TRPC4: variants seen among roughly 807,000 people sequenced by gnomAD.
The protein encoded by TRPC4 is short transient receptor potential channel 4.
A neutral mutation model predicts 99.4 loss-of-function variants in TRPC4; 49 were observed. The observed-to-expected ratio is 0.49, with a 90% CI of 0.39 to 0.63. TRPC4 has a LOEUF of 0.63. Ranked by LOEUF, TRPC4 falls within the 20% of genes least tolerant of loss-of-function variation. The probability of loss-of-function intolerance (pLI) is 0.00; values close to 1 mark genes in which losing one functional copy is unlikely to be tolerated. For synonymous variants in TRPC4, 454 were observed against 425.9 expected (o/e 1.07, Z -0.81); for missense variants, 898 against 1,152.9 (o/e 0.78, Z 3.20).
chr13:37,816,613 G>A (rs1032232566), intron 1 of TRPC4, among the ~76,000 whole-genome samples: 9 of 151,898 alleles, frequency 5.9e-5, no homozygotes, highest in African/African-American at 1.7e-4. Context: ...GAACATTGAT[G>A]CAAAAATCCT....
intron 4 of TRPC4, among the ~76,000 whole-genome samples, chr13:37,691,787 TA>T (rs992425462): frequency 1.6e-4 from 24 of 152,306 alleles, no homozygotes; most frequent in African/African-American, 5.8e-4. Context: ...TTCTAAAATT[TA>T]AGGTTACGTT....
chr13:37,834,504 C>T (rs1958508161), intron 1 of TRPC4, among the ~76,000 whole-genome samples: 1 of 152,114 alleles, frequency 6.6e-6, no homozygotes, highest in East Asian at 1.9e-4. Flanking sequence ...AACTCTAAAC[C>T]ACAAACACTT....
chr13:37,777,902 C>A (rs919716697), intron 2 of TRPC4, among the ~76,000 whole-genome samples: 6 of 152,086 alleles, frequency 3.9e-5, no homozygotes, highest in Non-Finnish European at 5.9e-5. Context: ...TGGAAGCCAG[C>A]ATTGCTGTCA....
chr13:37,840,908 T>C (rs1328592943), intron 1 of TRPC4, among the ~76,000 whole-genome samples: 2 of 152,054 alleles, frequency 1.3e-5, no homozygotes, highest in Non-Finnish European at 2.9e-5. Flanking sequence ...AATTTCCTTC[T>C]CTACAAATTC....
chr13:37,824,072 TTGTC>T (rs1958119703), intron 1 of TRPC4, among the ~76,000 whole-genome samples: 1 of 147,834 alleles, frequency 6.8e-6, no homozygotes, highest in Admixed American at 6.9e-5. Context: ...GGCTCTCTGT[TTGTC>T]TGTTGTTGGT....
At chr13:37,706,773 T>C (rs1954296727) in intron 3 of TRPC4, among the ~76,000 whole-genome samples, 1 of 152,130 alleles carries the variant, frequency 6.6e-6, no homozygotes, top group Non-Finnish European at 1.5e-5. Flanking sequence ...ATCAAGTTTT[T>C]CTTGGAAAGT....
At chr13:37,809,677 G>T (rs1419301960) in intron 1 of TRPC4, among the ~76,000 whole-genome samples, 1 of 151,952 alleles carries the variant, frequency 6.6e-6, no homozygotes. Flanking sequence ...GTAACAAAAG[G>T]TAAGTACAAC....
At chr13:37,865,721 C>T (rs1164275974) in intron 1 of TRPC4, among the ~76,000 whole-genome samples, 3 of 151,630 alleles carry the variant, frequency 2.0e-5, no homozygotes, top group African/African-American at 7.2e-5. Flanking sequence ...TTAGAAACCA[C>T]AGGAATTAAG....
At chr13:37,680,290 C>A (rs1267057162) in intron 4 of TRPC4, among the ~76,000 whole-genome samples, 1 of 152,154 alleles carries the variant, frequency 6.6e-6, no homozygotes, top group African/African-American at 2.4e-5. Flanking sequence ...ATTGATTTAG[C>A]AAATGCATTT....
At chr13:37,846,346 GAC>G (rs1345688423) in intron 1 of TRPC4, among the ~76,000 whole-genome samples, 2 of 152,012 alleles carry the variant, frequency 1.3e-5, no homozygotes, top group African/African-American at 2.4e-5. Context: ...AGAATTAAAA[GAC>G]AAAATTATTA....
At chr13:37,827,516 T>C (rs1958268496) in intron 1 of TRPC4, among the ~76,000 whole-genome samples, 1 of 152,106 alleles carries the variant, frequency 6.6e-6, no homozygotes, top group Non-Finnish European at 1.5e-5. Flanking sequence ...TGCAGGTCTG[T>C]TGGAGTACCC....
At chr13:37,643,758 A>G (rs1951791976) in intron 8 of TRPC4, among the ~76,000 whole-genome samples, 1 of 152,126 alleles carries the variant, frequency 6.6e-6, no homozygotes, top group African/African-American at 2.4e-5. Flanking sequence ...GGGGATTTTG[A>G]CTAGTTGAGT....
intron 4 of TRPC4, among the ~76,000 whole-genome samples, chr13:37,686,248 A>G (rs566344271): frequency 5.7e-4 from 87 of 152,200 alleles, no homozygotes; most frequent in African/African-American, 2.0e-3. Flanking sequence ...AATGGTCACA[A>G]GACAGGAAGA....
chr13:37,788,241 T>C (rs1957022119), intron 1 of TRPC4, among the ~76,000 whole-genome samples: 1 of 152,112 alleles, frequency 6.6e-6, no homozygotes, highest in Admixed American at 6.6e-5. Context: ...CTTTCATACC[T>C]AAAGCCTTTC....
intron 1 of TRPC4, chr13:37,854,825 A>C (rs2139690696): frequency 6.6e-6 from 1 of 152,196 alleles, no homozygotes; most frequent in East Asian, 1.9e-4. Flanking sequence ...AGAAGACAGT[A>C]AAAAAGGAAG....
intron 3 of TRPC4, among the ~76,000 whole-genome samples, chr13:37,724,146 A>G (rs1954960913): frequency 6.6e-6 from 1 of 152,188 alleles, no homozygotes. Flanking sequence ...TGATATTTTA[A>G]AAATCTCTAA....
chr13:37,791,386 A>G (rs1957114020), intron 1 of TRPC4, among the ~76,000 whole-genome samples: 1 of 139,264 alleles, frequency 7.2e-6, no homozygotes, highest in Admixed American at 7.7e-5. Context: ...ACACAGCAAG[A>G]CTCTGTCTCA....
intron 2 of TRPC4, among the ~76,000 whole-genome samples, chr13:37,758,590 C>A (rs141380713): frequency 4.6e-5 from 7 of 151,640 alleles, no homozygotes; most frequent in African/African-American, 9.7e-5. Context: ...AACAAGACAA[C>A]CTGTTCCTGT....
chr13:37,711,086 G>A (rs559577309), intron 3 of TRPC4, among the ~76,000 whole-genome samples: 10 of 151,988 alleles, frequency 6.6e-5, no homozygotes, highest in Middle Eastern at 3.4e-3. Context: ...AAAAGGTCAC[G>A]CAGAATGTGT....
Sources: gnomAD v4.1 joint callset for allele counts (sites outside exome capture counted in the v4.1 genomes callset) on GRCh38, gnomAD v4.1.1 for gene constraint, MANE v1.5 for transcripts, NCBI Gene and HGNC (gene_info 2026-07-23, HGNC 2026-07-21) for gene names.